The following AARS2 variants were observed in gnomAD, a reference collection of about 807,000 sequenced individuals.
The protein encoded by AARS2 is alanyl-tRNA synthetase 2, mitochondrial, also known as alanine--tRNA ligase, mitochondrial.
Under a neutral mutation model 119.7 loss-of-function variants are expected in AARS2, and 78 were observed. The ratio of observed to expected loss-of-function variants is 0.65; its 90% CI spans 0.54 to 0.79. The LOEUF is 0.79. AARS2 is among the 30% of genes least tolerant of loss of function. The pLI is 0.00. For synonymous variants in AARS2, 502 were observed against 526.3 expected, an observed-to-expected ratio of 0.95 and a Z score of 0.63; for missense variants, 1,157 against 1,291.3, an observed-to-expected ratio of 0.90 and a Z score of 1.59.
chr6:44,300,761 A>C, intron 21 of AARS2, 50 bp from the exon 22 acceptor site: 1 of 1,596,090 alleles, frequency 6.3e-7, no homozygotes, highest in Non-Finnish European at 8.5e-7. Context: ...CCTCCCTGCC[A>C]GCATCCACTC....
chr6:44,303,735 G>C (rs748070438), intron 14 of AARS2, among the ~76,000 whole-genome samples: 22 of 152,206 alleles, frequency 1.4e-4, no homozygotes, highest in Non-Finnish European at 2.5e-4. Context: ...CTACAGGATG[G>C]GGGGATGCAG....
In AARS2 at chr6:44,303,319, A is replaced by G. The variant is rs548827276; in HGVS notation, c.2112T>C (p.Thr704=). 6.2e-7 allele frequency: 1 copy of G among 1,614,074 alleles called. No individual in the cohort carries two copies. The change falls in exon 15 of 22, where the codon ACT becomes ACC. Residue 704 remains threonine (T), a synonymous_variant. Transcript: ENST00000244571. ...GAGAGCGCAGGCCAGGGACCTGGGC[A>G]GTGAGCGCCAGGGGCACCTCCTCCA... The part of the protein sequence containing the change: ...VYMEEVPLAL[T]AQVPGLRSLD...
intron 14 of AARS2, among the ~76,000 whole-genome samples, chr6:44,303,916 G>A (rs1054083011): frequency 1.3e-5 from 2 of 152,154 alleles, no homozygotes; most frequent in African/African-American, 4.8e-5. Context: ...GAAGGGGAGC[G>A]GCTGGAGGTG....
Position 44,305,182 on chromosome 6 carries a change from G to A in AARS2, c.1451C>T (p.Ala484Val), listed in dbSNP as rs495294. The A allele has an allele frequency of 6.2e-7, 1 of 1,612,606 alleles. No individual in the cohort carries two copies. Reference sequence around the variant, plus strand: ...CAATCCCTGCTTCTGAACTGGCTCAGCCTGCCGTGCCCGGTGCTGCAGGGT... The same window carrying A: ...CAATCCCTGCTTCTGAACTGGCTCAACCTGCCGTGCCCGGTGCTGCAGGGT... Reference protein sequence around the residue: ...QEEAQHRARQAEPVQKQGLWL... With the variant: ...QEEAQHRARQVEPVQKQGLWL... Residue 484 changes from alanine (A) to valine (V), a missense_variant, in exon 11 of 22, where the codon GCT (alanine) becomes GTT (valine). Coordinates refer to ENST00000244571, the MANE Select transcript of AARS2 (RefSeq NM_020745.4). The surrounding 1 kb of genome is among the most constrained non-coding windows in gnomAD (Gnocchi z 4.6).
Position 44,305,377 on chromosome 6 carries a change from T to G in AARS2, c.1435-179A>C, listed in dbSNP as rs920656348. Among the ~76,000 whole-genome samples, 1 of 152,194 alleles carries G rather than the reference T, an allele frequency of 6.6e-6. No individual in the cohort carries two copies. The highest frequency in any genetic ancestry group is 1.5e-5 in the Non-Finnish European group (1 of 68,022). The stretch of plus-strand genomic sequence containing the variant: ...CCTGAGCTGGTTGAACCATCCATCA[T>G]GTCGGCTCCTCGGGATTAGGCCTTC... On this transcript the variant is annotated intron_variant, in intron 10 of 21. Coordinates refer to ENST00000244571, the MANE Select transcript of AARS2 (RefSeq NM_020745.4). The surrounding 1 kb of genome is among the most constrained non-coding windows in gnomAD (Gnocchi z 4.6).
At chr6:44,312,993 C>A in intron 1 of AARS2, 88 bp downstream of exon 1, 1 of 1,577,498 alleles carries the variant, frequency 6.3e-7, no homozygotes, top group South Asian at 1.1e-5. Context: ...CGAACTCCGC[C>A]TCTCGCTTCT....
At chr6:44,304,844 T>C (rs1234384659) in intron 11 of AARS2, 27 bp from the exon 12 acceptor site, 1 of 1,613,694 alleles carries the variant, frequency 6.2e-7, no homozygotes, top group African/African-American at 1.3e-5. Context: ...TGGTTATTAG[T>C]GGTGGGCAGG....
At position 44,307,416 on chromosome 6, in the gene AARS2, C is replaced by T. The variant is rs765628992; in HGVS notation, c.895-22G>A. On this transcript the variant is annotated intron_variant, in intron 5 of 21. Coordinates refer to ENST00000244571, the MANE Select transcript of AARS2 (RefSeq NM_020745.4). The surrounding 1 kb of genome is among the most constrained non-coding windows in gnomAD (Gnocchi z 4.4). ...AGCCCTGGGAAGCAGAAGAGTCAGC[C>T]AGTGGCCCTGCCTGACCTGGCCCAG... 6.3e-7 allele frequency: 1 copy of T among 1,586,824 alleles called. No individual in the cohort carries two copies.
rs1785159463 is a variant in AARS2, at chr6:44,299,172, T to C, written c.*1375A>G. ...CCCAGCTCCCTGCTCACATGTCACCTCTTGGTGAGGGAATATCACCATCCA... is the reference window on the plus strand; with the variant it reads ...CCCAGCTCCCTGCTCACATGTCACCCCTTGGTGAGGGAATATCACCATCCA... On this transcript the variant is annotated 3_prime_UTR_variant, in exon 22 of 22. Coordinates refer to ENST00000244571, the MANE Select transcript of AARS2 (RefSeq NM_020745.4). Among the ~76,000 whole-genome samples, 1 of 152,052 alleles carries C rather than the reference T, an allele frequency of 6.6e-6. No homozygotes were observed. The highest frequency in any genetic ancestry group is 1.5e-5 in the Non-Finnish European group (1 of 68,012).
chr6:44,304,569 T>C, intron 12 of AARS2, 36 bp from the exon 13 acceptor site: 1 of 1,614,066 alleles, frequency 6.2e-7, no homozygotes, highest in South Asian at 1.1e-5. Context: ...CCTGTAGCCT[T>C]TCCCTCCCCT....
At chr6:44,310,883 G>A (rs1323956892) in intron 4 of AARS2, 111 bp downstream of exon 4, 32 of 1,396,728 alleles carry the variant, frequency 2.3e-5, no homozygotes, top group Admixed American at 5.2e-5. Flanking sequence ...CCTGACACAC[G>A]GTAAGCACCG....
rs200653667 is a variant in AARS2, at chr6:44,302,462, G to A, written c.2416C>T (p.Arg806Trp). ...LAQEVKAATE[R>W]LSLGSRDVAE... ...ACATCCCGGCTCCCCAGACTCAGCC[G>A]CTCAGTGGCCGCTTTCACTTCCTGG... The change falls in exon 18 of 22, where the codon CGG becomes TGG. Residue 806 changes from arginine to tryptophan, a missense_variant. Coordinates refer to ENST00000244571, the MANE Select transcript of AARS2 (RefSeq NM_020745.4). The A allele has an allele frequency of 3.1e-4, 504 of 1,614,156 alleles. 8 individuals carry two copies. The South Asian group carries it at 4.8e-3, about 15-fold the overall frequency.
At chr6:44,302,317 T>C (rs1052454146) in intron 18 of AARS2, 74 bp downstream of exon 18, 363 of 1,612,470 alleles carry the variant, frequency 2.3e-4, no homozygotes, top group Admixed American at 4.2e-4. Flanking sequence ...CTAGGGAGAG[T>C]CTGAAGGAGT....
intron 7 of AARS2, 107 bp downstream of exon 7, chr6:44,306,816 G>T: frequency 9.5e-7 from 1 of 1,050,096 alleles, no homozygotes. Flanking sequence ...TCGATATTTA[G>T]GGTGGGGACC....
In AARS2 at chr6:44,305,549, C is replaced by T. The variant is rs1422541538; in HGVS notation, c.1434+104G>A. 1.3e-5 allele frequency: 21 copies of T among 1,561,714 alleles called. No homozygotes were observed. The highest frequency in any genetic ancestry group is 1.8e-5 in the Non-Finnish European group (21 of 1,138,012). ...CCAGGTGAGGGGACAGATCCTATCT[C>T]AGCCTCTTGATTCCTCTCAATATTC... On this transcript the variant is annotated intron_variant, in intron 10 of 21. Coordinates refer to ENST00000244571, the MANE Select transcript of AARS2 (RefSeq NM_020745.4). The surrounding 1 kb of genome is among the most constrained non-coding windows in gnomAD (Gnocchi z 4.6).
Position 44,300,822 on chromosome 6 carries a change from T to C in AARS2, c.2794-111A>G. 5 of 1,360,856 alleles carry C rather than the reference T, an allele frequency of 3.7e-6. No individual in the cohort carries two copies. In the South Asian group the frequency reaches 6.1e-5, roughly 17 times the overall value. The allele number at this position is 1,360,856 out of a possible 1,614,324, so 84.3% of individuals were successfully genotyped here. ...AGGTCATCAGTGCCCCCTTCCCAGC[T>C]GGGCACATGGTGGGGCAGTCAGGTG... On this transcript the variant is annotated intron_variant, in intron 21 of 21. Coordinates refer to ENST00000244571, the MANE Select transcript of AARS2 (RefSeq NM_020745.4).
chr6:44,312,381 A>C, intron 1 of AARS2, 118 bp from the exon 2 acceptor site: 1 of 1,028,738 alleles, frequency 9.7e-7, no homozygotes, highest in South Asian at 1.6e-5. Flanking sequence ...TGCCCCTGAG[A>C]GTGCAGTGTA....
chr6:44,310,192 C>T (rs573073513), intron 5 of AARS2, 107 bp downstream of exon 5: 13 of 1,428,528 alleles, frequency 9.1e-6, no homozygotes, highest in African/African-American at 1.4e-5. Context: ...TGGTTATTGT[C>T]CTCAGATGCT....
rs774598669 is a variant in AARS2, at chr6:44,302,187, T to A, written c.2488-17A>T. 1 of 1,613,712 alleles carries A rather than the reference T, an allele frequency of 6.2e-7. No individual in the cohort carries two copies. The highest frequency in any genetic ancestry group is 8.5e-7 in the Non-Finnish European group (1 of 1,179,752). On this transcript the variant is annotated splice_polypyrimidine_tract_variant and intron_variant, in intron 18 of 21. Transcript: ENST00000244571. ...TTCCACAGCCTATGGCCAGAAGCAG[T>A]ACATCACCCCTGCCCTTCCCTGAGC...
Sources: allele counts gnomAD v4.1 joint callset (sites outside exome capture counted in the v4.1 genomes callset), GRCh38; gene constraint gnomAD v4.1.1; non-coding constraint Gnocchi (gnomAD v3.1); transcripts MANE v1.5; gene names NCBI Gene and HGNC (gene_info 2026-07-23, HGNC 2026-07-21).